The following TADA1 variants were observed in gnomAD, a reference collection of about 807,000 sequenced individuals.
TADA1 encodes the protein transcriptional adapter 1.
Under a neutral mutation model 39.3 loss-of-function variants are expected in TADA1, and 23 were observed. That is an observed-to-expected ratio of 0.58 (90% CI 0.42 to 0.83). The LOEUF (loss-of-function observed/expected upper bound fraction) is 0.83, where lower values mean the gene tolerates loss of function less well. Among genes scored for constraint, TADA1 ranks in the 40% least tolerant of loss-of-function variants. The pLI, the probability that TADA1 is intolerant of heterozygous loss-of-function variation, is 0.00. For missense variants in TADA1, 352 were observed against 408.1 expected (o/e 0.86, Z 1.18); for synonymous variants, 137 against 151.8 (o/e 0.90, Z 0.72).
In TADA1 at chr1:166,862,336, A is replaced by C; in HGVS notation, c.407T>G (p.Leu136Trp). 1.2e-6 allele frequency: 2 copies of C among 1,614,208 alleles called. No homozygotes were observed. The highest frequency in any genetic ancestry group is 1.7e-6 in the Non-Finnish European group (2 of 1,180,040). The change falls in exon 5 of 8, where the codon TTG (leucine) becomes TGG (tryptophan). Residue 136 changes from leucine (L) to tryptophan (W), a missense_variant. By Grantham distance (61) the Leu-to-Trp change is moderately conservative. Around this residue, in one of 3 missense-constraint regions of TADA1, gnomAD observed 285 missense variants for 310.9 expected, o/e 0.92. Transcript: ENST00000367874. Reference sequence around the variant, plus strand: ...CATCATTGTGTGGGAACAAAGTTTCAAGTCGTCATCATCTTGGGGATCCTT... The same window carrying C: ...CATCATTGTGTGGGAACAAAGTTTCCAGTCGTCATCATCTTGGGGATCCTT... ...VAKDPQDDDD[L>W]KLCSHTMMLP...
At chr1:166,858,021 G>A in intron 7 of TADA1, 98 bp downstream of exon 7, 1 of 1,450,038 alleles carries the variant, frequency 6.9e-7, no homozygotes, top group Non-Finnish European at 9.4e-7. Context: ...AAAACACAAA[G>A]CCAAGAAGTG....
At chr1:166,862,795 A>G (rs1658445969) in intron 4 of TADA1, 1 of 219,348 alleles carries the variant, frequency 4.6e-6, no homozygotes, top group African/African-American at 2.3e-5. Context: ...TAAACATATA[A>G]TGAATGATTC....
intron 5 of TADA1, 110 bp from the exon 6 acceptor site, chr1:166,860,447 G>GA: frequency 9.2e-7 from 1 of 1,084,826 alleles, no homozygotes; most frequent in Non-Finnish European, 1.3e-6. Context: ...ATGCAGAATA[G>GA]GTTAGTATAT....
At chr1:166,866,124 G>A (rs1239487877) in intron 3 of TADA1, among the ~76,000 whole-genome samples, 2 of 152,194 alleles carry the variant, frequency 1.3e-5, no homozygotes, top group African/African-American at 2.4e-5. Context: ...ACATGCAGAC[G>A]ATGATGCAAA....
chr1:166,870,732 A>C (rs1246571276), intron 1 of TADA1, among the ~76,000 whole-genome samples: 1 of 152,106 alleles, frequency 6.6e-6, no homozygotes, highest in Non-Finnish European at 1.5e-5. Context: ...GGGAGGCTGA[A>C]GTGGAGGGAC....
rs78439462 is a variant in TADA1, at chr1:166,857,209, T to C, written c.*358A>G. ...TATGATGTCACTGAACACACAGATA[T>C]CCTGCTGATCAGGGGGATTAAGTTA... is the stretch of plus-strand genomic sequence containing the variant. On this transcript the variant is annotated 3_prime_UTR_variant, in exon 8 of 8. Coordinates refer to ENST00000367874, the MANE Select transcript of TADA1 (RefSeq NM_053053.4). The C allele has an allele frequency of 9.3e-3, 1,764 of 189,370 alleles. 14 individuals are homozygous for C. The highest frequency in any genetic ancestry group is 0.014 in the Non-Finnish European group (1,321 of 91,490). The allele number at this position is 189,370 out of a possible 1,614,324, so 11.7% of individuals were successfully genotyped here.
chr1:166,874,333 C>T (rs1658720006), intron 1 of TADA1, among the ~76,000 whole-genome samples: 1 of 149,690 alleles, frequency 6.7e-6, no homozygotes, highest in African/African-American at 2.5e-5. Context: ...GAGCAAGACT[C>T]CATCTCAAAA....
intron 3 of TADA1, among the ~76,000 whole-genome samples, chr1:166,865,358 C>A (rs745777419): frequency 6.6e-6 from 1 of 151,052 alleles, no homozygotes; most frequent in South Asian, 2.1e-4. Context: ...ACCAGAAGAA[C>A]AAAAAACAAA....
intron 5 of TADA1, among the ~76,000 whole-genome samples, chr1:166,860,996 T>C (rs1372813372): frequency 6.6e-6 from 1 of 152,226 alleles, no homozygotes; most frequent in Non-Finnish European, 1.5e-5. Flanking sequence ...GCTGAAACTT[T>C]GTTTAAAATA....
intron 3 of TADA1, 134 bp downstream of exon 3, chr1:166,869,311 T>C (rs1360423520): frequency 1.3e-5 from 8 of 597,054 alleles, no homozygotes; most frequent in Non-Finnish European, 2.0e-5. Context: ...AGAATTTGTA[T>C]CTACCTAATA....
intron 1 of TADA1, among the ~76,000 whole-genome samples, chr1:166,873,694 G>A (rs114383799): frequency 0.029 from 4,340 of 152,188 alleles, 94 homozygotes; most frequent in Non-Finnish European, 0.041. Context: ...AGAACTATAC[G>A]TTACCATTAA....
At position 166,861,237 on chromosome 1, in the gene TADA1, G is replaced by A. The variant is rs140945200; in HGVS notation, c.541-900C>T. ...GTCCCAGGCTACCATTATTAATAGG[G>A]GAGCCAGCATCAGGCAGGGTGTTTC... On this transcript the variant is annotated intron_variant, in intron 5 of 7. Coordinates refer to ENST00000367874, the MANE Select transcript of TADA1 (RefSeq NM_053053.4). Among the ~76,000 whole-genome samples, 416 of 152,188 alleles carry A rather than the reference G, an allele frequency of 2.7e-3. 1 individual carries two copies. The highest frequency in any genetic ancestry group is 4.3e-3 in the Admixed American group (65 of 15,288).
At chr1:166,866,185 C>T (rs140484393) in intron 3 of TADA1, among the ~76,000 whole-genome samples, 71 of 152,326 alleles carry the variant, frequency 4.7e-4, no homozygotes, top group South Asian at 1.7e-3. Flanking sequence ...CGTGGCCAAG[C>T]GAAGCACGCT....
Position 166,862,186 on chromosome 1 carries a change from G to A in TADA1, c.540+17C>T. 6.2e-7 allele frequency: 1 copy of A among 1,611,496 alleles called. No individual in the cohort carries two copies. Among genetic ancestry groups the A allele is most frequent in the Non-Finnish European group, 8.5e-7 (1 of 1,178,960 alleles). ...ACATTCAACCTGTAAGATTATTTCTGCCAACAGCAAACCAACCTCCACAGC... is the reference window on the plus strand; with the variant it reads ...ACATTCAACCTGTAAGATTATTTCTACCAACAGCAAACCAACCTCCACAGC... On this transcript the variant is annotated intron_variant, in intron 5 of 7. Transcript: ENST00000367874.
At chr1:166,871,287 T>A (rs1658651541) in intron 1 of TADA1, among the ~76,000 whole-genome samples, 1 of 152,160 alleles carries the variant, frequency 6.6e-6, no homozygotes, top group African/African-American at 2.4e-5. Context: ...CTGGTTTTGG[T>A]ACTTAAGGAA....
At chr1:166,871,452 T>C (rs1457329803) in intron 1 of TADA1, among the ~76,000 whole-genome samples, 1 of 152,230 alleles carries the variant, frequency 6.6e-6, no homozygotes, top group Non-Finnish European at 1.5e-5. Flanking sequence ...TAGCTTCAAG[T>C]CATCTTAGTA....
chr1:166,860,430 G>A (rs1658379795), intron 5 of TADA1, 93 bp from the exon 6 acceptor site: 1 of 1,272,040 alleles, frequency 7.9e-7, no homozygotes, highest in African/African-American at 1.5e-5. Flanking sequence ...TTGGCATTTA[G>A]ATGGAGATGC....
At chr1:166,867,890 T>C (rs183652077) in intron 3 of TADA1, among the ~76,000 whole-genome samples, 4 of 152,298 alleles carry the variant, frequency 2.6e-5, no homozygotes, top group Admixed American at 1.3e-4. Context: ...TTGAGTTCTT[T>C]ATCATACAGT....
At chr1:166,867,604 A>T (rs1658565272) in intron 3 of TADA1, among the ~76,000 whole-genome samples, 1 of 148,654 alleles carries the variant, frequency 6.7e-6, no homozygotes, top group Non-Finnish European at 1.5e-5. Flanking sequence ...TTTTTTTTTT[A>T]AACACAGTTT....
Sources: allele counts gnomAD v4.1 joint callset (sites outside exome capture counted in the v4.1 genomes callset), GRCh38; gene constraint gnomAD v4.1.1; regional missense constraint gnomAD v4.1.1; transcripts MANE v1.5; gene names NCBI Gene and HGNC (gene_info 2026-07-23, HGNC 2026-07-21).